Variants in CNTN4 observed in about 807,000 individuals in gnomAD.
The protein encoded by CNTN4 is contactin 4, also known as contactin-4.
Under a neutral mutation model 122.5 loss-of-function variants are expected in CNTN4, and 77 were observed. That is an observed-to-expected ratio of 0.63 (90% CI 0.52 to 0.76). The LOEUF is 0.76. Among genes scored for constraint, CNTN4 ranks in the 30% least tolerant of loss-of-function variants. The pLI is 0.00. For missense variants in CNTN4, 1,256 were observed against 1,259.1 expected, an observed-to-expected ratio of 1.00 and a Z score of 0.04; for synonymous variants, 512 against 447.0, an observed-to-expected ratio of 1.15 and a Z score of -1.83.
In CNTN4 at chr3:2,362,659, A is replaced by G. The variant is rs747103426; in HGVS notation, c.-89+23426A>G. On this transcript the variant is annotated intron_variant, in intron 3 of 24. Transcript: ENST00000418658. ...GGAGATGGATACCAACTTGAGATCA[A>G]TGATGAGAAGCTGGGTGAACAATCC... The G allele has an allele frequency of 5.5e-4, 224 of 409,092 alleles. 1 individual carries two copies. The highest frequency in any genetic ancestry group is 8.1e-4 in the Non-Finnish European group (172 of 213,284). The allele number at this position is 409,092 out of a possible 1,614,324, so 25.3% of individuals were successfully genotyped here. A position where few individuals can be genotyped will look rare whatever the true frequency, so the allele number is the denominator to read the frequency against.
chr3:2,897,190 A>T (rs2094124608), intron 10 of CNTN4, among the ~76,000 whole-genome samples: 1 of 152,208 alleles, frequency 6.6e-6, no homozygotes, highest in Non-Finnish European at 1.5e-5. Context: ...TCTGGCAGTT[A>T]TTGAACAAAA....
intron 4 of CNTN4, among the ~76,000 whole-genome samples, chr3:2,666,845 G>T (rs572952533): frequency 2.7e-5 from 4 of 150,042 alleles, no homozygotes; most frequent in Non-Finnish European, 4.4e-5. Context: ...ACGGTGTTTG[G>T]TTTTTTGTCT....
chr3:3,014,231 A>G (rs1047259332), intron 14 of CNTN4, among the ~76,000 whole-genome samples: 4 of 152,160 alleles, frequency 2.6e-5, no homozygotes, highest in Admixed American at 6.5e-5. Flanking sequence ...TATCCTGCCA[A>G]TTTTTAATGC....
At chr3:2,125,882 G>A (rs2034116803) in intron 2 of CNTN4, among the ~76,000 whole-genome samples, 1 of 140,446 alleles carries the variant, frequency 7.1e-6, no homozygotes, top group Non-Finnish European at 1.6e-5. Flanking sequence ...AAGTTGCTCA[G>A]TTTTTATTTC....
chr3:2,278,702 C>T lies in CNTN4; in HGVS notation c.-144-60476C>T, dbSNP rs192322340. On this transcript the variant is annotated intron_variant, in intron 2 of 24. Coordinates refer to ENST00000418658, the MANE Select transcript of CNTN4 (RefSeq NM_175607.3). ...AAGATGCTTTTGAATTGCAAGACCCCTGTGCCTAATCCTGAAAAAGTTTTC... is the reference window on the plus strand; with the variant it reads ...AAGATGCTTTTGAATTGCAAGACCCTTGTGCCTAATCCTGAAAAAGTTTTC... 1.2e-4 allele frequency among the ~76,000 whole-genome samples: 19 copies of T among 152,252 alleles called. 1 individual carries two copies. The East Asian group carries it at 3.7e-3, about 29-fold the overall frequency.
At chr3:2,757,266 C>T (rs988598592) in intron 6 of CNTN4, among the ~76,000 whole-genome samples, 3 of 152,002 alleles carry the variant, frequency 2.0e-5, no homozygotes, top group Non-Finnish European at 2.9e-5. Flanking sequence ...TATGTTTTTA[C>T]CTCTCACTTG....
intron 7 of CNTN4, among the ~76,000 whole-genome samples, chr3:2,843,380 G>A (rs534906500): frequency 1.8e-4 from 27 of 152,202 alleles, no homozygotes; most frequent in Non-Finnish European, 3.1e-4. Flanking sequence ...AACTCCCATC[G>A]TAAGTGGCTT....
chr3:2,711,644 G>T (rs1339689189), intron 4 of CNTN4, among the ~76,000 whole-genome samples: 1 of 152,138 alleles, frequency 6.6e-6, no homozygotes, highest in Non-Finnish European at 1.5e-5. Flanking sequence ...ACGCAGAGAG[G>T]ATTAACATGG....
chr3:2,139,922 T>C (rs531185234), intron 2 of CNTN4, among the ~76,000 whole-genome samples: 10 of 152,352 alleles, frequency 6.6e-5, no homozygotes, highest in African/African-American at 1.9e-4. Flanking sequence ...TAATCTTGAA[T>C]TGTAATCCCT....
chr3:2,837,065 T>C (rs2093243091), intron 7 of CNTN4, among the ~76,000 whole-genome samples: 1 of 152,232 alleles, frequency 6.6e-6, no homozygotes, highest in South Asian at 2.1e-4. Flanking sequence ...ACTTTTGTTA[T>C]TTGTAATATG....
chr3:3,055,439 C>G (rs760829279), intron 24 of CNTN4, among the ~76,000 whole-genome samples: 3 of 152,178 alleles, frequency 2.0e-5, no homozygotes, highest in Admixed American at 6.5e-5. Context: ...CAAACATGAT[C>G]TGTTTCAAGA....
intron 2 of CNTN4, among the ~76,000 whole-genome samples, chr3:2,122,569 T>G (rs2033871222): frequency 6.6e-6 from 1 of 152,196 alleles, no homozygotes; most frequent in South Asian, 2.1e-4. Context: ...ATAAACAATA[T>G]CTTTGTAAAC....
At chr3:2,473,231 CAA>C (rs769320613) in intron 3 of CNTN4, among the ~76,000 whole-genome samples, 3 of 51,402 alleles carry the variant, frequency 5.8e-5, no homozygotes, top group African/African-American at 2.5e-4. Context: ...AACTCCATCT[CAA>C]AAAAAAAAAA....
At chr3:2,628,076 C>T (rs766809311) in intron 4 of CNTN4, among the ~76,000 whole-genome samples, 2 of 152,062 alleles carry the variant, frequency 1.3e-5, no homozygotes, top group Non-Finnish European at 2.9e-5. Context: ...GACATATTTC[C>T]CCTTTTGGGC....
At position 2,207,033 on chromosome 3, in the gene CNTN4, T is replaced by C. The variant is rs567608435; in HGVS notation, c.-145+106394T>C. On this transcript the variant is annotated intron_variant, in intron 2 of 24. Transcript: ENST00000418658. ...ATTTCAGACTTTCTTCTTATTATTATATTGTTACAGTGATTTATGATCAGT... is the reference window on the plus strand; with the variant it reads ...ATTTCAGACTTTCTTCTTATTATTACATTGTTACAGTGATTTATGATCAGT... Among the ~76,000 whole-genome samples, 313 of 152,196 alleles carry C rather than the reference T, an allele frequency of 2.1e-3. 2 individuals carry two copies. Among genetic ancestry groups the C allele is most frequent in the Non-Finnish European group, 4.0e-3 (274 of 67,954 alleles).
rs752647965 is a variant in CNTN4, at chr3:2,168,423, ATTAT to A, written c.-145+67786_-145+67789del. The stretch of plus-strand genomic sequence containing the variant: ...TCTTTAAAACAAGTCACAGAAAATA[ATTAT>A]TCAGGATTCTAATATGTGGTCAGAT... On this transcript the variant is annotated intron_variant, in intron 2 of 24. Coordinates refer to ENST00000418658, the MANE Select transcript of CNTN4 (RefSeq NM_175607.3). 3.4e-4 allele frequency among the ~76,000 whole-genome samples: 52 copies of A among 152,268 alleles called. 1 individual carries two copies. In the Middle Eastern group the frequency reaches 0.038, roughly 111 times the overall value.
At chr3:2,821,220 G>T (rs2092863571) in intron 7 of CNTN4, among the ~76,000 whole-genome samples, 1 of 152,062 alleles carries the variant, frequency 6.6e-6, no homozygotes, top group Admixed American at 6.5e-5. Flanking sequence ...GCCTCCCAAA[G>T]TGCTGGGATT....
At chr3:2,975,816 A>G (rs760471482) in intron 13 of CNTN4, among the ~76,000 whole-genome samples, 1 of 152,194 alleles carries the variant, frequency 6.6e-6, no homozygotes, top group Non-Finnish European at 1.5e-5. Flanking sequence ...GTAAAAGTAT[A>G]TGGAAGTATA....
intron 10 of CNTN4, among the ~76,000 whole-genome samples, chr3:2,896,298 C>T (rs1410779684): frequency 6.6e-6 from 1 of 151,946 alleles, no homozygotes; most frequent in Non-Finnish European, 1.5e-5. Context: ...AGCAGCCTTG[C>T]GTTGTGTTAA....
Sources: gnomAD v4.1 joint callset for allele counts (sites outside exome capture counted in the v4.1 genomes callset) on GRCh38, gnomAD v4.1.1 for gene constraint, MANE v1.5 for transcripts, NCBI Gene and HGNC (gene_info 2026-07-23, HGNC 2026-07-21) for gene names.